Variants in TGM7 observed in about 807,000 individuals in gnomAD.
TGM7 encodes protein-glutamine gamma-glutamyltransferase Z.
Under a neutral mutation model 79.5 loss-of-function variants are expected in TGM7, and 74 were observed. The ratio of observed to expected loss-of-function variants is 0.93; its 90% CI spans 0.77 to 1.13. TGM7 has a LOEUF of 1.13. Among genes scored for constraint, TGM7 ranks in the 50% most tolerant of loss-of-function variants. The probability of loss-of-function intolerance (pLI) is 0.00; values close to 1 mark genes in which losing one functional copy is unlikely to be tolerated. For synonymous variants in TGM7, 354 were observed against 362.5 expected, an observed-to-expected ratio of 0.98 and a Z score of 0.27; for missense variants, 912 against 905.9, an observed-to-expected ratio of 1.01 and a Z score of -0.09.
chr15:43,280,993 C>T (rs906510903), intron 9 of TGM7, among the ~76,000 whole-genome samples: 1 of 152,184 alleles, frequency 6.6e-6, no homozygotes, highest in African/African-American at 2.4e-5. Context: ...TAATTGAGCA[C>T]AGGTTCAGAT....
rs536675107 is a variant in TGM7, at chr15:43,287,298, C to A, written c.847G>T (p.Ala283Ser). ...CGCTCACCGGTGCACATAACAGAGG[C>A]GAAGACCCAGCACTGTCCGTACTTC... ...PVKYGQCWVF[A>S]SVMCTVMRCL... is the part of the protein sequence containing the mutation. The change falls in exon 6 of 13, where the codon GCC becomes TCC. Residue 283 changes from alanine to serine, a missense_variant. Coordinates refer to ENST00000452443, the MANE Select transcript of TGM7 (RefSeq NM_052955.3). The A allele has an allele frequency of 6.2e-7, 1 of 1,613,370 alleles. No individual in the cohort carries two copies.
At chr15:43,283,311 G>T (rs1316679563) in intron 7 of TGM7, among the ~76,000 whole-genome samples, 1 of 152,162 alleles carries the variant, frequency 6.6e-6, no homozygotes, top group African/African-American at 2.4e-5. Flanking sequence ...TTGACCTAAT[G>T]ATGTTGTTTA....
chr15:43,293,675 T>C, intron 1 of TGM7, 44 bp from the exon 2 acceptor site: 1 of 1,471,530 alleles, frequency 6.8e-7, no homozygotes. Context: ...TGCAGTCCCC[T>C]GGGCTCAGGC....
chr15:43,285,741 C>T (rs941351470), intron 6 of TGM7, among the ~76,000 whole-genome samples: 2 of 152,112 alleles, frequency 1.3e-5, no homozygotes, highest in African/African-American at 4.8e-5. Flanking sequence ...GGCAGCAGCT[C>T]CCTCTTGTGG....
intron 1 of TGM7, among the ~76,000 whole-genome samples, chr15:43,294,821 C>T (rs1264661411): frequency 6.6e-6 from 1 of 152,120 alleles, no homozygotes; most frequent in Admixed American, 6.5e-5. Context: ...ATATTTGCTC[C>T]CAGCCAGTTT....
chr15:43,286,904 G>C (rs2042938248), intron 6 of TGM7, among the ~76,000 whole-genome samples: 1 of 152,174 alleles, frequency 6.6e-6, no homozygotes, highest in African/African-American at 2.4e-5. Context: ...CTATGGGTGA[G>C]GTCAGCTATC....
chr15:43,282,691 A>G, intron 7 of TGM7, 71 bp from the exon 8 acceptor site: 1 of 1,134,854 alleles, frequency 8.8e-7, no homozygotes. Flanking sequence ...CACTATACGG[A>G]GTGATTTATA....
rs202139550 is a variant in TGM7, at chr15:43,276,853, G to A, written c.1973+9C>T. 84 of 1,613,228 alleles carry A rather than the reference G, an allele frequency of 5.2e-5. 1 individual carries two copies. The highest frequency in any genetic ancestry group is 2.3e-4 in the African/African-American group (17 of 75,040). ...CAGCAAGGGGGAGGTGGGCAGAAGC[G>A]TCACTTACTCCTTTGCTATCTGCCC... On this transcript the variant is annotated intron_variant, in intron 12 of 12. Coordinates refer to ENST00000452443, the MANE Select transcript of TGM7 (RefSeq NM_052955.3).
At chr15:43,289,874 G>A (rs1428915819) in intron 4 of TGM7, among the ~76,000 whole-genome samples, 4 of 152,172 alleles carry the variant, frequency 2.6e-5, no homozygotes, top group Admixed American at 2.6e-4. Flanking sequence ...TTTGAGAAGT[G>A]TCTGTTCATG....
intron 1 of TGM7, chr15:43,301,963 T>C (rs1039804339): frequency 7.8e-6 from 4 of 510,468 alleles, no homozygotes; most frequent in South Asian, 2.3e-5. Context: ...CAAGCTCTTT[T>C]TGGGGCTCCT....
At chr15:43,283,233 A>G (rs1317552957) in intron 7 of TGM7, among the ~76,000 whole-genome samples, 1 of 152,164 alleles carries the variant, frequency 6.6e-6, no homozygotes, top group Non-Finnish European at 1.5e-5. Context: ...TAGTTCATAA[A>G]CCCTAGCACA....
At chr15:43,280,442 AG>A (rs1296592307) in intron 9 of TGM7, among the ~76,000 whole-genome samples, 1 of 152,126 alleles carries the variant, frequency 6.6e-6, no homozygotes, top group Non-Finnish European at 1.5e-5. Flanking sequence ...TGGCCAACAT[AG>A]TGAAACCTCG....
At chr15:43,295,069 A>AT (rs550016412) in intron 1 of TGM7, among the ~76,000 whole-genome samples, 38 of 151,964 alleles carry the variant, frequency 2.5e-4, no homozygotes, top group Admixed American at 9.8e-4. Flanking sequence ...GCCCTACAGT[A>AT]TTTTTTTTGT....
At chr15:43,289,062 CTTTT>C (rs796761551) in intron 4 of TGM7, among the ~76,000 whole-genome samples, 1 of 145,990 alleles carries the variant, frequency 6.8e-6, no homozygotes, top group African/African-American at 2.5e-5. Context: ...AGGTCTCTGT[CTTTT>C]TTTTTTTTAT....
intron 4 of TGM7, 84 bp from the exon 5 acceptor site, chr15:43,287,753 G>GATGGC: frequency 6.6e-7 from 1 of 1,514,508 alleles, no homozygotes; most frequent in South Asian, 1.3e-5. Context: ...GACTTTTGGG[G>GATGGC]ATGGCATGTA....
chr15:43,289,302 G>A (rs1383010422), intron 4 of TGM7, among the ~76,000 whole-genome samples: 11 of 151,028 alleles, frequency 7.3e-5, no homozygotes, highest in South Asian at 2.1e-4. Flanking sequence ...TATGAGTGAG[G>A]ACATGTGGTG....
At chr15:43,294,942 G>A (rs1373758426) in intron 1 of TGM7, among the ~76,000 whole-genome samples, 4 of 151,402 alleles carry the variant, frequency 2.6e-5, no homozygotes, top group South Asian at 2.1e-4. Context: ...TCTGCAGCCC[G>A]GCTGGAGTGC....
chr15:43,282,776 C>T (rs2042916132), intron 7 of TGM7, among the ~76,000 whole-genome samples, 156 bp from the exon 8 acceptor site: 2 of 152,144 alleles, frequency 1.3e-5, no homozygotes, highest in African/African-American at 2.4e-5. Flanking sequence ...ACAGGCTGGG[C>T]GCGGTGACTC....
At position 43,281,991 on chromosome 15, in the gene TGM7, C is replaced by G; in HGVS notation, c.1204G>C (p.Ala402Pro). 6.2e-7 allele frequency: 1 copy of G among 1,614,194 alleles called. No homozygotes were observed. Among genetic ancestry groups the G allele is most frequent in the Admixed American group, 1.7e-5 (1 of 60,026 alleles). Residue 402 changes from alanine (A) to proline (P), a missense_variant, in exon 9 of 13, where the codon GCC becomes CCC. Transcript: ENST00000452443. ...DTPFVYAEVN[A>P]DEVIWLLGDG... ...CCAAGGAGCCAAATGACTTCATCGG[C>G]GTTCACCTCGGCATACACAAAAGGG...
Sources: gnomAD v4.1 joint callset for allele counts (sites outside exome capture counted in the v4.1 genomes callset) on GRCh38, gnomAD v4.1.1 for gene constraint, MANE v1.5 for transcripts, NCBI Gene and HGNC (gene_info 2026-07-23, HGNC 2026-07-21) for gene names.